LRP8: variants seen among roughly 807,000 people sequenced by gnomAD.
The protein encoded by LRP8 is LDL receptor related protein 8.
LRP8 carries 46 observed loss-of-function variants against 111.6 expected under a neutral mutation model. The observed-to-expected ratio is 0.41, with a 90% CI of 0.33 to 0.53. The LOEUF (loss-of-function observed/expected upper bound fraction) is 0.53, where lower values mean the gene tolerates loss of function less well. Ranked by LOEUF, LRP8 falls within the 20% of genes least tolerant of loss-of-function variation. LRP8 has a pLI of 0.20. For missense variants in LRP8, 959 were observed against 1,297.4 expected (o/e 0.74, Z 4.01); for synonymous variants, 464 against 511.2 (o/e 0.91, Z 1.24).
chr1:53,287,720 C>T (rs1010509841), intron 3 of LRP8, among the ~76,000 whole-genome samples: 18 of 152,136 alleles, frequency 1.2e-4, no homozygotes, highest in South Asian at 8.3e-4. Flanking sequence ...CTGTGAAAAG[C>T]GGGCCTGGGA....
intron 6 of LRP8, among the ~76,000 whole-genome samples, chr1:53,273,428 C>G (rs541708496): frequency 6.6e-6 from 1 of 152,224 alleles, no homozygotes; most frequent in Non-Finnish European, 1.5e-5. Flanking sequence ...CCCTGCTTTA[C>G]TCAGAGAAGA....
chr1:53,249,162 C>CCT lies in LRP8; in HGVS notation c.2853+216_2853+217dup, dbSNP rs1645817599. Among the ~76,000 whole-genome samples the CCT allele has an allele frequency of 6.6e-6, 1 of 152,210 alleles. No individual in the cohort carries two copies. Among genetic ancestry groups the CCT allele is most frequent in the African/African-American group, 2.4e-5 (1 of 41,446 alleles). On this transcript the variant is annotated intron_variant, in intron 18 of 18. Coordinates refer to ENST00000306052, the MANE Select transcript of LRP8 (RefSeq NM_004631.5). The surrounding 1 kb of genome is among the most constrained non-coding windows in gnomAD (Gnocchi z 4.1). ...ATGTCTCCCCTTCATGAACAGTTTG[C>CCT]CTCAGCAGCAATTCTGTCTGCCCTG...
At chr1:53,313,461 C>T (rs1238865651) in intron 2 of LRP8, among the ~76,000 whole-genome samples, 2 of 152,142 alleles carry the variant, frequency 1.3e-5, no homozygotes, top group Admixed American at 1.3e-4. Context: ...GGTCCCTGTC[C>T]CCCTGAGGCT....
rs890507640 is a variant in LRP8 at position 53,249,741 on chromosome 1, C to T, written c.2677-185G>A. Among the ~76,000 whole-genome samples, 11 of 152,212 alleles carry T rather than the reference C, an allele frequency of 7.2e-5. No homozygotes were observed. The highest frequency in any genetic ancestry group is 4.6e-4 in the Admixed American group (7 of 15,288). On this transcript the variant is annotated intron_variant, in intron 17 of 18. Transcript: ENST00000306052. This position sits in a 1 kb window ranked among gnomAD's most constrained non-coding sequence, Gnocchi z 4.1. ...GAATGCCATTTCCCTCCTTCTCTCC[C>T]GGGAAAACTGCTATTAATCTTTCAA...
intron 15 of LRP8, 31 bp from the exon 16 acceptor site, chr1:53,255,216 C>T (rs770885316): frequency 6.9e-6 from 11 of 1,602,840 alleles, no homozygotes; most frequent in Non-Finnish European, 8.5e-6. Flanking sequence ...CAGAATGATG[C>T]TCTATCACTG....
At chr1:53,314,287 C>T (rs572102390) in intron 2 of LRP8, among the ~76,000 whole-genome samples, 63 of 136,790 alleles carry the variant, frequency 4.6e-4, no homozygotes, top group African/African-American at 1.9e-3. Context: ...CCTCACCCTC[C>T]ACTTCTCAAA....
At chr1:53,315,397 C>A (rs891689353) in intron 2 of LRP8, among the ~76,000 whole-genome samples, 1 of 152,176 alleles carries the variant, frequency 6.6e-6, no homozygotes, top group South Asian at 2.1e-4. Flanking sequence ...TTGAGCACTG[C>A]GCATGCACCA....
rs1331055774 is a variant in LRP8, at chr1:53,262,197, G to C, written c.1785C>G (p.Ser595Arg). Residue 595 changes from serine to arginine, a missense_variant, in exon 12 of 19, where the codon AGC becomes AGG. This residue lies in a region of LRP8 where 819 missense variants were observed against 1,097.6 expected (regional missense o/e 0.75). Coordinates refer to ENST00000306052, the MANE Select transcript of LRP8 (RefSeq NM_004631.5). The surrounding 1 kb of genome is among the most constrained non-coding windows in gnomAD (Gnocchi z 4.8). ...WPNGITLDLL[S>R]QRLYWVDSKL... Reference sequence around the variant, plus strand: ...TGGAGTCTACCCAGTACAAGCGCTGGCTCAGCAGATCTTGGGAAGGAAGCA... The same window carrying C: ...TGGAGTCTACCCAGTACAAGCGCTGCCTCAGCAGATCTTGGGAAGGAAGCA... 6.2e-7 allele frequency: 1 copy of C among 1,613,308 alleles called. No homozygotes were observed.
intron 2 of LRP8, 136 bp from the exon 3 acceptor site, chr1:53,289,825 T>G: frequency 1.8e-6 from 2 of 1,120,916 alleles, no homozygotes; most frequent in Non-Finnish European, 1.3e-6. Context: ...AGAGACAAGC[T>G]TCTTCATTCC....
chr1:53,242,836 A>AATATATATATAT lies in LRP8; in HGVS notation c.*4170_*4181dup, dbSNP rs144308373. On this transcript the variant is annotated 3_prime_UTR_variant, in exon 19 of 19. Transcript: ENST00000306052. ...AAAAAGTATCAAAACCTTGGCTTTAAATATATATATATATATATATATACA... is the reference window on the plus strand; with the variant it reads ...AAAAAGTATCAAAACCTTGGCTTTAAATATATATATATATATATATATATATATATATATACA... 2 of 145,284 alleles carry AATATATATATAT rather than the reference A, an allele frequency of 1.4e-5. No homozygotes were observed. The highest frequency in any genetic ancestry group is 5.0e-5 in the African/African-American group (2 of 39,860). The allele number at this position is 145,284 out of a possible 1,614,324, so 9.0% of individuals were successfully genotyped here.
At position 53,276,856 on chromosome 1, in the gene LRP8, TCGTCCGA is replaced by T; in HGVS notation, c.712_718del (p.Ser238ArgfsTer98). On this transcript the variant is annotated frameshift_variant, in exon 5 of 19. Transcript: ENST00000306052. LOFTEE classifies it high-confidence loss of function. ...CGGACGGCCGCAGAGCTCGGCTGCCTCGTCCGAGCGGTCCTCGCAGTCAAACTGGCGG... is the reference window on the plus strand; with the variant it reads ...CGGACGGCCGCAGAGCTCGGCTGCCTGCGGTCCTCGCAGTCAAACTGGCGG... 2 of 1,337,324 alleles carry T rather than the reference TCGTCCGA, an allele frequency of 1.5e-6. No homozygotes were observed. Among genetic ancestry groups the T allele is most frequent in the South Asian group, 3.1e-5 (2 of 64,854 alleles). The allele number at this position is 1,337,324 out of a possible 1,614,324, so 82.8% of individuals were successfully genotyped here.
At position 53,260,622 on chromosome 1, in the gene LRP8, CA is replaced by C. The variant is rs532749948; in HGVS notation, c.1915-18del. Reference sequence around the variant, plus strand: ...CACCTTGTCCTGTGGGGTATAGATGCAGAGGATGGGAGGCCTGGAGTGTAAA... The same window carrying C: ...CACCTTGTCCTGTGGGGTATAGATGCGAGGATGGGAGGCCTGGAGTGTAAA... On this transcript the variant is annotated intron_variant, in intron 12 of 18. Coordinates refer to ENST00000306052, the MANE Select transcript of LRP8 (RefSeq NM_004631.5). 990 of 1,612,602 alleles carry C rather than the reference CA, an allele frequency of 6.1e-4. 5 individuals carry two copies. The highest frequency in any genetic ancestry group is 3.5e-3 in the South Asian group (320 of 90,900).
rs2100393882 is a variant in LRP8, at chr1:53,266,936, C to A, written c.1253-289G>T. ...TCCTTAGGCCTGCACTGAAAGCCTT[C>A]CACAGTGTGACCCCAAGTTCCCTGT... On this transcript the variant is annotated intron_variant, in intron 8 of 18. Coordinates refer to ENST00000306052, the MANE Select transcript of LRP8 (RefSeq NM_004631.5). The surrounding 1 kb of genome is among the most constrained non-coding windows in gnomAD (Gnocchi z 5.0). 1 of 336,420 alleles carries A rather than the reference C, an allele frequency of 3.0e-6. No homozygotes were observed. The highest frequency in any genetic ancestry group is 5.8e-5 in the East Asian group (1 of 17,224). 20.8% of individuals were successfully genotyped at this position (336,420 alleles called of 1,614,324 possible). A position where few individuals can be genotyped will look rare whatever the true frequency, so the allele number is the denominator to read the frequency against.
At position 53,250,873 on chromosome 1, in the gene LRP8, G is replaced by T; in HGVS notation, c.2504-11C>A. The T allele has an allele frequency of 3.7e-6, 6 of 1,613,676 alleles. No individual in the cohort carries two copies. Among genetic ancestry groups the T allele is most frequent in the Non-Finnish European group, 5.1e-6 (6 of 1,179,684 alleles). On this transcript the variant is annotated splice_polypyrimidine_tract_variant and intron_variant, in intron 16 of 18. Transcript: ENST00000306052. This position sits in a 1 kb window ranked among gnomAD's most constrained non-coding sequence, Gnocchi z 4.6. ...GGAGGGCTATCACCACTGGAGGAAG[G>T]ACACAGGACACTGGACCTCCAGCAG...
At chr1:53,316,413 C>T (rs928709591) in intron 2 of LRP8, among the ~76,000 whole-genome samples, 2 of 152,228 alleles carry the variant, frequency 1.3e-5, no homozygotes, top group Admixed American at 6.5e-5. Flanking sequence ...CCCGTCAGAG[C>T]TCAGCACAAA....
chr1:53,257,694 G>T (rs553483074), intron 14 of LRP8, among the ~76,000 whole-genome samples: 1 of 152,312 alleles, frequency 6.6e-6, no homozygotes, highest in East Asian at 1.9e-4. Context: ...GGAATTAGTT[G>T]TAAGATCAGC....
At chr1:53,265,271 A>G (rs1008309172) in intron 9 of LRP8, among the ~76,000 whole-genome samples, 1 of 152,184 alleles carries the variant, frequency 6.6e-6, no homozygotes, top group South Asian at 2.1e-4. Flanking sequence ...ACTGCCATCA[A>G]TAACTAAGTC....
intron 5 of LRP8, among the ~76,000 whole-genome samples, chr1:53,276,228 A>G (rs1646911749): frequency 6.6e-6 from 1 of 152,010 alleles, no homozygotes; most frequent in South Asian, 2.1e-4. Flanking sequence ...AGGGTGAGGA[A>G]TGCTCAGATG....
chr1:53,265,644 G>GT (rs1481891013), intron 9 of LRP8, among the ~76,000 whole-genome samples: 1 of 152,222 alleles, frequency 6.6e-6, no homozygotes, highest in Admixed American at 6.5e-5. Flanking sequence ...TGTGAACGGA[G>GT]TGTCTGTATG....
Sources: gnomAD v4.1 joint callset for allele counts (sites outside exome capture counted in the v4.1 genomes callset) on GRCh38, gnomAD v4.1.1 for gene constraint, gnomAD v4.1.1 regional missense constraint, Gnocchi (gnomAD v3.1) non-coding constraint, MANE v1.5 for transcripts, NCBI Gene and HGNC (gene_info 2026-07-23, HGNC 2026-07-21) for gene names.